RNF2: variants seen among roughly 807,000 people sequenced by gnomAD.
RNF2 encodes the protein ring finger protein 2.
Under a neutral mutation model 37.2 loss-of-function variants are expected in RNF2, and 6 were observed. The ratio of observed to expected loss-of-function variants is 0.16; its 90% CI spans 0.09 to 0.32. The LOEUF (loss-of-function observed/expected upper bound fraction) is 0.32, where lower values mean the gene tolerates loss of function less well. Among genes scored for constraint, RNF2 ranks in the 10% least tolerant of loss-of-function variants. RNF2 has a pLI of 1.00. For synonymous variants in RNF2, 133 were observed against 132.7 expected (o/e 1.00, Z -0.02); for missense variants, 251 against 404.0 (o/e 0.62, Z 3.25).
chr1:185,052,732 A>T (rs1252319311), intron 1 of RNF2, among the ~76,000 whole-genome samples: 1 of 152,206 alleles, frequency 6.6e-6, no homozygotes, highest in African/African-American at 2.4e-5. Flanking sequence ...CCATCGTTTT[A>T]GGTGAGCTGA....
intron 1 of RNF2, among the ~76,000 whole-genome samples, chr1:185,059,277 A>G (rs1343605096): frequency 6.6e-6 from 1 of 151,590 alleles, no homozygotes; most frequent in East Asian, 1.9e-4. Flanking sequence ...TTTCTGCAAA[A>G]GAAAATCTAC....
intron 1 of RNF2, among the ~76,000 whole-genome samples, chr1:185,059,570 A>G (rs1293885763): frequency 6.6e-6 from 1 of 152,218 alleles, no homozygotes; most frequent in African/African-American, 2.4e-5. Flanking sequence ...AACGACTGGA[A>G]AAGTGTCCTG....
intron 6 of RNF2, 69 bp downstream of exon 6, chr1:185,100,031 T>C: frequency 1.4e-6 from 2 of 1,423,602 alleles, no homozygotes; most frequent in African/African-American, 2.9e-5. Context: ...TGGCAAGTGG[T>C]GGGGTAGAAT....
At chr1:185,046,890 T>C (rs1650137612) in intron 1 of RNF2, among the ~76,000 whole-genome samples, 1 of 152,224 alleles carries the variant, frequency 6.6e-6, no homozygotes, top group African/African-American at 2.4e-5. Flanking sequence ...TTGTTGAATA[T>C]TCTAATAACT....
chr1:185,099,328 G>A (rs1386543393), intron 5 of RNF2, among the ~76,000 whole-genome samples: 2 of 152,190 alleles, frequency 1.3e-5, no homozygotes, highest in Admixed American at 6.5e-5. Context: ...GATTACAGGC[G>A]TGAGCCACCA....
At chr1:185,068,813 A>T (rs1041296940) in intron 1 of RNF2, among the ~76,000 whole-genome samples, 18 of 152,346 alleles carry the variant, frequency 1.2e-4, no homozygotes, top group African/African-American at 4.1e-4. Flanking sequence ...CAGTTTACCT[A>T]AACTCTTTCT....
chr1:185,063,997 A>G lies in RNF2; in HGVS notation c.-3+18348A>G, dbSNP rs181394391. 2.2e-3 allele frequency among the ~76,000 whole-genome samples: 342 copies of G among 152,334 alleles called. 2 individuals are homozygous for G. Among genetic ancestry groups the G allele is most frequent in the African/African-American group, 8.1e-3 (337 of 41,576 alleles). On this transcript the variant is annotated intron_variant, in intron 1 of 6. Transcript: ENST00000367510. Reference sequence around the variant, plus strand: ...ATCTTAAGAGCTGTAATTTAATTGTATTGGCAAAGTCCATTTTGCCATGTA... The same window carrying G: ...ATCTTAAGAGCTGTAATTTAATTGTGTTGGCAAAGTCCATTTTGCCATGTA...
At chr1:185,046,150 C>G (rs997380389) in intron 1 of RNF2, 1 of 151,848 alleles carries the variant, frequency 6.6e-6, no homozygotes, top group Admixed American at 6.6e-5. Flanking sequence ...GCAGATATCG[C>G]TCCTTCCTTC....
chr1:185,084,680 A>G (rs1242619866), intron 1 of RNF2, among the ~76,000 whole-genome samples: 1 of 152,202 alleles, frequency 6.6e-6, no homozygotes, highest in Non-Finnish European at 1.5e-5. Flanking sequence ...TCTTCATAAT[A>G]GCTGAGGTAA....
rs186046015 is a variant in RNF2 at position 185,101,786 on chromosome 1, A to G, written c.*1485A>G. 22 of 141,310 alleles carry G rather than the reference A, an allele frequency of 1.6e-4. No individual in the cohort carries two copies. Among genetic ancestry groups the G allele is most frequent in the Admixed American group, 7.8e-4 (11 of 14,094 alleles). The allele number at this position is 141,310 out of a possible 1,614,324, so 8.8% of individuals were successfully genotyped here. On this transcript the variant is annotated 3_prime_UTR_variant, in exon 7 of 7. Coordinates refer to ENST00000367510, the MANE Select transcript of RNF2 (RefSeq NM_007212.4). ...ATGAAAACTTAAAGGTATATATTCA[A>G]TTTTTTACCATTTTATGGAAAATAT...
rs1197380912 is a variant in RNF2, at chr1:185,101,355, C to A, written c.*1054C>A. On this transcript the variant is annotated 3_prime_UTR_variant, in exon 7 of 7. Coordinates refer to ENST00000367510, the MANE Select transcript of RNF2 (RefSeq NM_007212.4). ...AATTTGGCGCTCTTTTAATTACACT[C>A]TGTAGAAGGTTAATAGAGCTTGAGC... 1 of 152,482 alleles carries A rather than the reference C, an allele frequency of 6.6e-6. No homozygotes were observed. Among genetic ancestry groups the A allele is most frequent in the African/African-American group, 2.4e-5 (1 of 41,410 alleles). The allele number at this position is 152,482 out of a possible 1,614,324, so 9.4% of individuals were successfully genotyped here.
intron 1 of RNF2, among the ~76,000 whole-genome samples, chr1:185,082,041 T>C (rs1044790706): frequency 6.6e-6 from 1 of 152,184 alleles, no homozygotes; most frequent in Admixed American, 6.5e-5. Flanking sequence ...AAATCCACTT[T>C]CGTGGCAAGT....
Position 185,062,818 on chromosome 1 carries a change from C to G in RNF2, c.-3+17169C>G, listed in dbSNP as rs556645235. Among the ~76,000 whole-genome samples the G allele has an allele frequency of 1.2e-3, 187 of 150,180 alleles. 1 individual carries two copies. Among genetic ancestry groups the G allele is most frequent in the African/African-American group, 3.8e-3 (155 of 40,916 alleles). ...TAAATAATTGGTAGACCTCCCCCCC[C>G]CCAAAAAAAGGCCAATAAAGCTGTG... On this transcript the variant is annotated intron_variant, in intron 1 of 6. Coordinates refer to ENST00000367510, the MANE Select transcript of RNF2 (RefSeq NM_007212.4).
intron 1 of RNF2, among the ~76,000 whole-genome samples, chr1:185,049,622 A>G (rs996598074): frequency 2.0e-5 from 3 of 151,608 alleles, no homozygotes; most frequent in Non-Finnish European, 2.9e-5. Flanking sequence ...GACTTTAGTA[A>G]GAATTTCAAC....
intron 1 of RNF2, among the ~76,000 whole-genome samples, chr1:185,077,625 G>GGTTTTTTTTTTTT (rs1553241127): frequency 8.6e-6 from 1 of 115,696 alleles, no homozygotes; most frequent in African/African-American, 3.3e-5. Flanking sequence ...AATTAACTTT[G>GGTTTTTTTTTTTT]TTTTTTTTTT....
rs1379125740 is a variant in RNF2 at position 185,102,487 on chromosome 1, G to T, written c.*2186G>T. On this transcript the variant is annotated 3_prime_UTR_variant, in exon 7 of 7. Transcript: ENST00000367510. Reference sequence around the variant, plus strand: ...ATTTTAAGGCATGTAATTCAGTGGGGTTAGGTACATTCACAATGTTGTGTA... The same window carrying T: ...ATTTTAAGGCATGTAATTCAGTGGGTTTAGGTACATTCACAATGTTGTGTA... 1.3e-5 allele frequency: 2 copies of T among 152,186 alleles called. No homozygotes were observed. The highest frequency in any genetic ancestry group is 2.9e-5 in the Non-Finnish European group (2 of 68,010). The allele number at this position is 152,186 out of a possible 1,614,324, so 9.4% of individuals were successfully genotyped here. A position where few individuals can be genotyped will look rare whatever the true frequency, so the allele number is the denominator to read the frequency against.
In RNF2 at chr1:185,101,258, A is replaced by G. The variant is rs950414880; in HGVS notation, c.*957A>G. ...ACATAAGTTTCAAGAATAACATGGC[A>G]CACAGAACAATGGAAAAAAGTTTGT... On this transcript the variant is annotated 3_prime_UTR_variant, in exon 7 of 7. Coordinates refer to ENST00000367510, the MANE Select transcript of RNF2 (RefSeq NM_007212.4). The G allele has an allele frequency of 4.6e-5, 7 of 152,544 alleles. No homozygotes were observed. The highest frequency in any genetic ancestry group is 3.9e-4 in the Admixed American group (6 of 15,270). The allele number at this position is 152,544 out of a possible 1,614,324, so 9.4% of individuals were successfully genotyped here.
At chr1:185,066,066 C>T (rs1168556253) in intron 1 of RNF2, among the ~76,000 whole-genome samples, 2 of 151,498 alleles carry the variant, frequency 1.3e-5, no homozygotes, top group Non-Finnish European at 2.9e-5. Flanking sequence ...TGAGCTCTGC[C>T]TTTTCTAATT....
At chr1:185,076,660 T>G (rs962529785) in intron 1 of RNF2, among the ~76,000 whole-genome samples, 5 of 151,878 alleles carry the variant, frequency 3.3e-5, no homozygotes, top group Admixed American at 3.3e-4. Flanking sequence ...GGTATCTGAT[T>G]TATTTGAAAA....
Sources: allele counts gnomAD v4.1 joint callset (sites outside exome capture counted in the v4.1 genomes callset), GRCh38; gene constraint gnomAD v4.1.1; transcripts MANE v1.5; gene names NCBI Gene and HGNC (gene_info 2026-07-23, HGNC 2026-07-21).